The following DCAF6 variants were observed in gnomAD, a reference collection of about 807,000 sequenced individuals.
DCAF6 encodes DDB1- and CUL4-associated factor 6.
In DCAF6, 54 loss-of-function variants were observed where a neutral mutation model predicts 125.1. That is an observed-to-expected ratio of 0.43 (90% confidence interval 0.35 to 0.54). DCAF6 has a LOEUF of 0.54. DCAF6 is among the 20% of genes least tolerant of loss of function. The pLI is 0.01. For synonymous variants in DCAF6, 371 were observed against 390.4 expected (o/e 0.95, Z 0.58); for missense variants, 934 against 1,161.7 (o/e 0.80, Z 2.85).
chr1:167,914,174 T>C, the DCAF6 span: 1 of 152,274 alleles, frequency 6.6e-6, no homozygotes, highest in Non-Finnish European at 1.5e-5. Context: ...CAGTAGCTCA[T>C]TGTTCCACGG....
At chr1:167,980,390 C>T (rs1678918418) in intron 4 of DCAF6, among the ~76,000 whole-genome samples, 1 of 148,780 alleles carries the variant, frequency 6.7e-6, no homozygotes, top group African/African-American at 2.6e-5. Flanking sequence ...TTTTTGAGGA[C>T]CCTCCATACT....
At chr1:168,052,285 G>A (rs1227954193) in intron 17 of DCAF6, among the ~76,000 whole-genome samples, 1 of 152,160 alleles carries the variant, frequency 6.6e-6, no homozygotes, top group Non-Finnish European at 1.5e-5. Flanking sequence ...ACGCAAAGCT[G>A]GTTTCTGGTT....
the DCAF6 span, chr1:167,904,844 TC>T: frequency 9.9e-7 from 1 of 1,008,938 alleles, no homozygotes; most frequent in Non-Finnish European, 1.5e-6. Flanking sequence ...AGCTATTTCC[TC>T]CCTCTTGTGT....
At chr1:167,878,581 AT>A in the DCAF6 span, 1 of 1,614,184 alleles carries the variant, frequency 6.2e-7, no homozygotes, top group East Asian at 2.2e-5. Flanking sequence ...GCAGGTCACA[AT>A]TCCTGGGTAG....
chr1:167,885,759 C>A, the DCAF6 span, among the ~76,000 whole-genome samples: 1 of 151,982 alleles, frequency 6.6e-6, no homozygotes, highest in East Asian at 1.9e-4. Flanking sequence ...GGATTACAGG[C>A]GCCCACCACT....
intron 1 of DCAF6, 43 bp from the exon 2 acceptor site, chr1:167,951,757 G>A: frequency 1.2e-5 from 16 of 1,282,744 alleles, no homozygotes; most frequent in Non-Finnish European, 1.8e-5. Context: ...ATTTTTCTCA[G>A]TATTTGTGTG....
chr1:167,899,631 G>C, the DCAF6 span: 1 of 1,613,538 alleles, frequency 6.2e-7, no homozygotes, highest in Non-Finnish European at 8.5e-7. Flanking sequence ...AGCCAGTCCT[G>C]GCAAGAAGGC....
intron 12 of DCAF6, among the ~76,000 whole-genome samples, chr1:168,037,059 A>C (rs1053861787): frequency 6.6e-6 from 1 of 150,770 alleles, no homozygotes; most frequent in Admixed American, 6.6e-5. Flanking sequence ...TTGTCCTCTC[A>C]CAGAATAAAG....
intron 21 of DCAF6, among the ~76,000 whole-genome samples, chr1:168,072,321 A>AAAAAAAAAAAG (rs1693200024): frequency 2.1e-5 from 3 of 146,284 alleles, no homozygotes; most frequent in African/African-American, 7.9e-5. Flanking sequence ...AAAAAAAAAA[A>AAAAAAAAAAAG]AAAAGAAAAG....
intron 11 of DCAF6, among the ~76,000 whole-genome samples, chr1:168,021,502 CATCT>C (rs1275435043): frequency 1.6e-4 from 25 of 152,144 alleles, no homozygotes; most frequent in African/African-American, 5.8e-4. Context: ...AATGAGAAGG[CATCT>C]TAAGAAAGTA....
At chr1:168,005,390 A>T (rs1250279566) in intron 10 of DCAF6, among the ~76,000 whole-genome samples, 2 of 151,940 alleles carry the variant, frequency 1.3e-5, no homozygotes, top group African/African-American at 4.8e-5. Context: ...TTAAAATGCT[A>T]TTTTTTTCTC....
upstream of DCAF6, among the ~76,000 whole-genome samples, chr1:167,934,639 G>C (rs1671013552): frequency 6.6e-6 from 1 of 152,152 alleles, no homozygotes; most frequent in Non-Finnish European, 1.5e-5. Flanking sequence ...TCAGACTCCA[G>C]AGAGCTGGTT....
chr1:167,880,050 C>T, the DCAF6 span: 1 of 1,436,572 alleles, frequency 7.0e-7, no homozygotes, highest in Non-Finnish European at 9.7e-7. Context: ...CTTCCTCCCG[C>T]AAAGCCCAGT....
intron 12 of DCAF6, among the ~76,000 whole-genome samples, chr1:168,031,264 C>T (rs1271220936): frequency 6.6e-6 from 1 of 152,076 alleles, no homozygotes; most frequent in African/African-American, 2.4e-5. Context: ...AAGATTTTGC[C>T]AGCGAAGAGC....
chr1:168,061,069 C>T (rs1362079775), intron 17 of DCAF6, among the ~76,000 whole-genome samples: 2 of 151,948 alleles, frequency 1.3e-5, no homozygotes, highest in African/African-American at 4.8e-5. Flanking sequence ...CTTTTTCTTC[C>T]ATTCAGAAAA....
At chr1:167,996,472 G>C (rs1180160958) in intron 7 of DCAF6, among the ~76,000 whole-genome samples, 3 of 152,120 alleles carry the variant, frequency 2.0e-5, no homozygotes, top group South Asian at 4.1e-4. Context: ...TCTCTGGCAT[G>C]ACCTATCCCC....
At chr1:167,959,639 T>C (rs911610966) in intron 2 of DCAF6, among the ~76,000 whole-genome samples, 3 of 152,248 alleles carry the variant, frequency 2.0e-5, no homozygotes, top group African/African-American at 7.2e-5. Flanking sequence ...AGGATGTGGA[T>C]TATCTTTTCA....
chr1:168,072,067 G>T (rs1693111046), intron 21 of DCAF6, among the ~76,000 whole-genome samples: 1 of 151,854 alleles, frequency 6.6e-6, no homozygotes, highest in Non-Finnish European at 1.5e-5. Context: ...GGAGGCCGAG[G>T]CGGGTAGATC....
chr1:167,879,325 G>C, the DCAF6 span, among the ~76,000 whole-genome samples: 1 of 152,212 alleles, frequency 6.6e-6, no homozygotes. Context: ...TTCAACAGCA[G>C]CTGGCTGCTT....
Sources: allele counts gnomAD v4.1 joint callset (sites outside exome capture counted in the v4.1 genomes callset), GRCh38; gene constraint gnomAD v4.1.1; transcripts MANE v1.5; gene names NCBI Gene and HGNC (gene_info 2026-07-23, HGNC 2026-07-21).